CIMIP2C: variants seen among roughly 807,000 people sequenced by gnomAD.
CIMIP2C encodes ciliary microtubule inner protein 2C.
chr2:26,572,979 G>C, the CIMIP2C span, among the ~76,000 whole-genome samples: 1 of 152,228 alleles, frequency 6.6e-6, no homozygotes, highest in African/African-American at 2.4e-5. Flanking sequence ...TTCATCTACA[G>C]CACGAAGTGC....
chr2:26,563,953 T>C, the CIMIP2C span, among the ~76,000 whole-genome samples: 11 of 152,174 alleles, frequency 7.2e-5, no homozygotes, highest in African/African-American at 2.7e-4. Flanking sequence ...ATTTACCAGG[T>C]CATGGTAGTT....
chr2:26,568,331 A>G, the CIMIP2C span, among the ~76,000 whole-genome samples: 1 of 152,036 alleles, frequency 6.6e-6, no homozygotes, highest in Non-Finnish European at 1.5e-5. Context: ...CTTCTGGAGG[A>G]TTCATAAGCC....
the CIMIP2C span, among the ~76,000 whole-genome samples, chr2:26,575,478 A>G: frequency 6.6e-6 from 1 of 152,156 alleles, no homozygotes; most frequent in East Asian, 1.9e-4. Flanking sequence ...CTGGGGGGGT[A>G]TCTGGTGTTC....
chr2:26,579,119 A>T, the CIMIP2C span: 1 of 649,784 alleles, frequency 1.5e-6, no homozygotes, highest in Non-Finnish European at 2.7e-6. Context: ...CTGTGCCATT[A>T]TGTAAATACA....
chr2:26,563,607 GAA>G, the CIMIP2C span, among the ~76,000 whole-genome samples: 1 of 152,250 alleles, frequency 6.6e-6, no homozygotes, highest in South Asian at 2.1e-4. Flanking sequence ...ACCCTTGTCT[GAA>G]AAAAAGAGTG....
the CIMIP2C span, among the ~76,000 whole-genome samples, chr2:26,566,764 G>T: frequency 6.6e-6 from 1 of 152,196 alleles, no homozygotes; most frequent in Non-Finnish European, 1.5e-5. Context: ...CTGTCACCCA[G>T]GCTTGAGTGC....
chr2:26,576,147 G>A, the CIMIP2C span: 22 of 1,613,810 alleles, frequency 1.4e-5, no homozygotes, highest in Admixed American at 6.7e-5. Flanking sequence ...GACAGCCATC[G>A]CTCCACAGAG....
the CIMIP2C span, chr2:26,577,583 C>G: frequency 6.2e-7 from 1 of 1,613,946 alleles, no homozygotes; most frequent in African/African-American, 1.3e-5. Context: ...CCCTACTTTG[C>G]GATGCCCGTG....
chr2:26,570,490 T>G, the CIMIP2C span, among the ~76,000 whole-genome samples: 2 of 152,152 alleles, frequency 1.3e-5, no homozygotes, highest in African/African-American at 4.8e-5. Context: ...AGAGACAAGT[T>G]CATTCGGGTC....
At chr2:26,566,957 G>A in the CIMIP2C span, among the ~76,000 whole-genome samples, 1 of 152,200 alleles carries the variant, frequency 6.6e-6, no homozygotes, top group Non-Finnish European at 1.5e-5. Context: ...CCATTTGCCT[G>A]CCTCAGCCTC....
chr2:26,563,840 G>A, the CIMIP2C span, among the ~76,000 whole-genome samples: 3 of 152,174 alleles, frequency 2.0e-5, no homozygotes, highest in African/African-American at 4.8e-5. Flanking sequence ...TAGCAACCAG[G>A]GGCTGGTGCT....
the CIMIP2C span, among the ~76,000 whole-genome samples, chr2:26,571,593 T>C: frequency 2.6e-5 from 4 of 152,180 alleles, no homozygotes; most frequent in Non-Finnish European, 4.4e-5. Context: ...AAATTAATGT[T>C]TCATGCCATC....
At chr2:26,576,632 C>T in the CIMIP2C span, among the ~76,000 whole-genome samples, 1 of 152,214 alleles carries the variant, frequency 6.6e-6, no homozygotes, top group East Asian at 1.9e-4. Flanking sequence ...CGGCATTTAT[C>T]CACCTGTGTC....
At chr2:26,562,662 A>G in the CIMIP2C span, 2 of 1,582,440 alleles carry the variant, frequency 1.3e-6, 1 homozygote. Context: ...AATGCCGCCT[A>G]CGTGCCCCCT....
the CIMIP2C span, among the ~76,000 whole-genome samples, chr2:26,564,612 T>C: frequency 1.3e-5 from 2 of 152,216 alleles, no homozygotes; most frequent in Non-Finnish European, 2.9e-5. Context: ...CATTTTGTGT[T>C]TCCAAATGCT....
At chr2:26,565,673 CT>C in the CIMIP2C span, among the ~76,000 whole-genome samples, 22 of 152,314 alleles carry the variant, frequency 1.4e-4, no homozygotes, top group Non-Finnish European at 2.9e-4. Flanking sequence ...CCTGCCTCAC[CT>C]ACCTTATCTG....
At chr2:26,572,702 A>G in the CIMIP2C span, among the ~76,000 whole-genome samples, 2 of 152,208 alleles carry the variant, frequency 1.3e-5, no homozygotes, top group African/African-American at 2.4e-5. Flanking sequence ...ACACAGCCTC[A>G]GAATGAGACA....
At chr2:26,574,061 T>C in the CIMIP2C span, among the ~76,000 whole-genome samples, 1 of 152,084 alleles carries the variant, frequency 6.6e-6, no homozygotes, top group African/African-American at 2.4e-5. Context: ...GTTCTGTTGG[T>C]GAGGAGACCG....
the CIMIP2C span, among the ~76,000 whole-genome samples, chr2:26,572,856 T>TGTGGGAGGAACCTCCCCTCCAC: frequency 1.3e-5 from 2 of 151,982 alleles, no homozygotes; most frequent in South Asian, 2.1e-4. Context: ...ATGGTTCCAG[T>TGTGGGAGGAACCTCCCCTCCAC]GTGGGAGGAA....
Sources: gnomAD v4.1 joint callset for allele counts (sites outside exome capture counted in the v4.1 genomes callset) on GRCh38, gnomAD v4.1.1 for gene constraint, MANE v1.5 for transcripts, NCBI Gene and HGNC (gene_info 2026-07-23, HGNC 2026-07-21) for gene names.